The following CFAP54 variants were observed in gnomAD, a reference collection of about 807,000 sequenced individuals.
CFAP54 encodes cilia- and flagella-associated protein 54.
CFAP54 carries 290 observed loss-of-function variants against 370.4 expected under a neutral mutation model. The ratio of observed to expected loss-of-function variants is 0.78; its 90% CI spans 0.71 to 0.86. The LOEUF (loss-of-function observed/expected upper bound fraction) is 0.86, where lower values mean the gene tolerates loss of function less well. Among genes scored for constraint, CFAP54 ranks in the 40% least tolerant of loss-of-function variants. CFAP54 has a pLI of 0.00. For missense variants in CFAP54, 3,399 were observed against 3,528.7 expected (o/e 0.96, Z 0.93); for synonymous variants, 1,206 against 1,236.5 (o/e 0.98, Z 0.52).
At chr12:96,496,202 A>T (rs1253552588) in intron 1 of CFAP54, among the ~76,000 whole-genome samples, 2 of 152,170 alleles carry the variant, frequency 1.3e-5, no homozygotes, top group Non-Finnish European at 2.9e-5. Flanking sequence ...TCAATCAGTG[A>T]CTCAATCAAT....
chr12:96,527,863 A>G lies in CFAP54; in HGVS notation c.1357+419A>G, dbSNP rs564821369. Among the ~76,000 whole-genome samples, 73 of 152,274 alleles carry G rather than the reference A, an allele frequency of 4.8e-4. 1 individual carries two copies. The highest frequency in any genetic ancestry group is 1.6e-3 in the African/African-American group (66 of 41,576). On this transcript the variant is annotated intron_variant, in intron 9 of 67. Coordinates refer to ENST00000524981, the MANE Select transcript of CFAP54 (RefSeq NM_001306084.2). ...AATTACAGGTGTGAGCCACTGTGCC[A>G]AGCTGATATAATTTATATTGATCTT... is the stretch of plus-strand genomic sequence containing the variant.
chr12:96,649,020 A>G (rs1262228340), intron 34 of CFAP54, among the ~76,000 whole-genome samples: 2 of 152,170 alleles, frequency 1.3e-5, no homozygotes, highest in African/African-American at 4.8e-5. Flanking sequence ...TCATTTCACA[A>G]ATAAAAATTT....
At chr12:96,598,894 C>T (rs1448459512) in intron 26 of CFAP54, 127 bp downstream of exon 26, 1 of 399,624 alleles carries the variant, frequency 2.5e-6, no homozygotes, top group East Asian at 3.5e-5. Context: ...AGATCAAAAG[C>T]AAATGTAGAG....
intron 48 of CFAP54, among the ~76,000 whole-genome samples, chr12:96,713,926 T>A (rs1172150905): frequency 6.6e-6 from 1 of 152,088 alleles, no homozygotes; most frequent in African/African-American, 2.4e-5. Flanking sequence ...GTCAGGGAGA[T>A]AACAGAGTGA....
At chr12:96,580,715 TC>T in intron 21 of CFAP54, 26 bp downstream of exon 21, 3 of 1,369,902 alleles carry the variant, frequency 2.2e-6, no homozygotes, top group Non-Finnish European at 3.0e-6. Context: ...CATCAGGAAA[TC>T]TTACTGAAGC....
At chr12:96,531,567 T>C (rs1405667942) in intron 9 of CFAP54, among the ~76,000 whole-genome samples, 1 of 152,002 alleles carries the variant, frequency 6.6e-6, no homozygotes, top group Non-Finnish European at 1.5e-5. Context: ...CATGTCTTAT[T>C]TATTTTATTC....
intron 61 of CFAP54, among the ~76,000 whole-genome samples, chr12:96,785,982 T>C (rs1958625075): frequency 6.6e-6 from 1 of 152,188 alleles, no homozygotes; most frequent in Non-Finnish European, 1.5e-5. Flanking sequence ...TTACTCACCC[T>C]TATTGGCTCT....
chr12:96,664,929 C>T (rs1455733860), intron 39 of CFAP54, among the ~76,000 whole-genome samples: 2 of 151,294 alleles, frequency 1.3e-5, no homozygotes, highest in Non-Finnish European at 2.9e-5. Flanking sequence ...TTTACACTCC[C>T]ACTAACAATG....
At chr12:96,745,940 G>A (rs1402134255) in intron 55 of CFAP54, among the ~76,000 whole-genome samples, 1 of 152,300 alleles carries the variant, frequency 6.6e-6, no homozygotes, top group East Asian at 1.9e-4. Flanking sequence ...AATCCCAGGT[G>A]GATGGTATAG....
At chr12:96,796,139 T>G (rs2136707080) in intron 63 of CFAP54, among the ~76,000 whole-genome samples, 1 of 152,300 alleles carries the variant, frequency 6.6e-6, no homozygotes, top group South Asian at 2.1e-4. Flanking sequence ...TTTGGCTATC[T>G]TATGGGGCCT....
rs1298732497 is a variant in CFAP54, at chr12:96,743,445, T to C, written c.7263T>C (p.Cys2421=). The C allele has an allele frequency of 6.2e-7, 1 of 1,614,032 alleles. No homozygotes were observed. Among genetic ancestry groups the C allele is most frequent in the East Asian group, 2.2e-5 (1 of 44,876 alleles). The change falls in exon 53 of 68, where the codon TGT becomes TGC. Residue 2421 remains cysteine (C), a synonymous_variant. Transcript: ENST00000524981. The stretch of plus-strand genomic sequence containing the variant: ...GCCTGAGCCTCATCAATGAAGTGTG[T>C]ATGGAGGCAAAAAGCGCAGGGGACA... The part of the protein sequence containing the change: ...TDCLSLINEV[C]MEAKSAGDTE...
chr12:96,716,858 A>C (rs1199107067), intron 48 of CFAP54, among the ~76,000 whole-genome samples: 2 of 152,202 alleles, frequency 1.3e-5, no homozygotes, highest in Admixed American at 1.3e-4. Flanking sequence ...AAAGGAGAGG[A>C]GTATGCATAT....
intron 67 of CFAP54, among the ~76,000 whole-genome samples, chr12:96,863,619 A>G (rs1435609248): frequency 6.6e-6 from 1 of 152,162 alleles, no homozygotes; most frequent in African/African-American, 2.4e-5. Context: ...GGTTCAAGCT[A>G]AAACTGGGAC....
At chr12:96,869,936 A>G (rs1486922840) in intron 67 of CFAP54, among the ~76,000 whole-genome samples, 2 of 147,792 alleles carry the variant, frequency 1.4e-5, no homozygotes, top group East Asian at 3.9e-4. Flanking sequence ...ACTCCGTCAA[A>G]AAAAAAAAAA....
intron 50 of CFAP54, among the ~76,000 whole-genome samples, chr12:96,720,839 C>T (rs886368452): frequency 9.9e-5 from 15 of 152,010 alleles, no homozygotes; most frequent in African/African-American, 3.4e-4. Context: ...CTGGCCAACA[C>T]GAAGAAACCC....
intron 22 of CFAP54, among the ~76,000 whole-genome samples, chr12:96,588,255 T>G (rs1157663808): frequency 6.6e-6 from 1 of 152,204 alleles, no homozygotes; most frequent in Non-Finnish European, 1.5e-5. Flanking sequence ...TTAGAGTCAT[T>G]TCCATTACTG....
intron 66 of CFAP54, 55 bp downstream of exon 66, chr12:96,829,143 T>TTTCATA: frequency 4.0e-6 from 4 of 1,004,760 alleles, no homozygotes; most frequent in South Asian, 1.6e-5. Flanking sequence ...ATTATTGCTA[T>TTTCATA]GAAATGGAAA....
At chr12:96,822,470 C>T (rs529513948) in intron 65 of CFAP54, among the ~76,000 whole-genome samples, 1 of 152,290 alleles carries the variant, frequency 6.6e-6, no homozygotes, top group Admixed American at 6.5e-5. Context: ...AAATTAGCAT[C>T]AATTCACAAA....
intron 55 of CFAP54, among the ~76,000 whole-genome samples, chr12:96,750,643 C>T (rs1169180618): frequency 6.6e-6 from 1 of 152,176 alleles, no homozygotes; most frequent in African/African-American, 2.4e-5. Flanking sequence ...TTGATTTCTA[C>T]AGGAGCTTAA....
Sources: gnomAD v4.1 joint callset for allele counts (sites outside exome capture counted in the v4.1 genomes callset) on GRCh38, gnomAD v4.1.1 for gene constraint, MANE v1.5 for transcripts, NCBI Gene and HGNC (gene_info 2026-07-23, HGNC 2026-07-21) for gene names.